Variants in PGM1 observed in about 807,000 individuals in gnomAD.
PGM1 encodes phosphoglucomutase 1.
Under a neutral mutation model 55.6 loss-of-function variants are expected in PGM1, and 52 were observed. That is an observed-to-expected ratio of 0.94 (90% confidence interval 0.75 to 1.18). PGM1 has a LOEUF of 1.18. Ranked by LOEUF, PGM1 falls within the 50% of genes most tolerant of loss-of-function variation. The pLI is 0.00. For missense variants in PGM1, 724 were observed against 729.3 expected, an observed-to-expected ratio of 0.99 and a Z score of 0.08; for synonymous variants, 287 against 271.7, an observed-to-expected ratio of 1.06 and a Z score of -0.55.
intron 1 of PGM1, among the ~76,000 whole-genome samples, chr1:63,595,682 C>G (rs929803126): frequency 6.6e-6 from 1 of 152,066 alleles, no homozygotes; most frequent in Non-Finnish European, 1.5e-5. Context: ...TTCAACAGAT[C>G]CTGTTGAATA....
intron 8 of PGM1, 29 bp from the exon 9 acceptor site, chr1:63,651,640 G>T (rs372791463): frequency 1.9e-6 from 3 of 1,608,912 alleles, no homozygotes; most frequent in Non-Finnish European, 1.7e-6. Context: ...CAGTCAGCCC[G>T]TGGGCCTCAA....
rs587777404 is a variant in PGM1 at position 63,634,933 on chromosome 1, G to T, written c.787G>T (p.Asp263Tyr). The change falls in exon 5 of 11, where the codon GAC becomes TAC. Residue 263 changes from aspartate (D) to tyrosine (Y), a missense_variant. Physicochemically the swap from Asp to Tyr is radical, Grantham distance 160. Transcript: ENST00000371084. ...PLEDFGGHHPDPNLTYAADLV... is the reference protein window; with the variant it reads ...PLEDFGGHHPYPNLTYAADLV... The stretch of plus-strand genomic sequence containing the variant: ...GGAGGACTTTGGAGGCCACCACCCT[G>T]ACCCCAACCTCACCTATGCAGCTGA... 99 of 1,613,924 alleles carry T rather than the reference G, an allele frequency of 6.1e-5. No homozygotes were observed. Among genetic ancestry groups the T allele is most frequent in the Non-Finnish European group, 8.1e-5 (96 of 1,180,004 alleles).
At position 63,620,973 on chromosome 1, in the gene PGM1, A is replaced by G. The variant is rs577562295; in HGVS notation, c.247-8452A>G. The stretch of plus-strand genomic sequence containing the variant: ...AAATGAGTTTCTTAATAGCTGCCCC[A>G]CTTAGTCTGAGTGTCTTAGGAAGCT... On this transcript the variant is annotated intron_variant, in intron 1 of 10. Transcript: ENST00000371084. Among the ~76,000 whole-genome samples, 7 of 152,250 alleles carry G rather than the reference A, an allele frequency of 4.6e-5. No homozygotes were observed. In the South Asian group the frequency reaches 1.5e-3, roughly 32 times the overall value.
intron 1 of PGM1, among the ~76,000 whole-genome samples, chr1:63,620,708 G>C (rs1648858514): frequency 6.6e-6 from 1 of 152,230 alleles, no homozygotes; most frequent in African/African-American, 2.4e-5. Flanking sequence ...TCTTTGCAAG[G>C]CTGGGAGCGA....
rs2100998429 is a variant in PGM1 at position 63,648,578 on chromosome 1, A to C, written c.1206A>C (p.Leu402=). The C allele has an allele frequency of 6.2e-7, 1 of 1,614,060 alleles. No homozygotes were observed. The highest frequency in any genetic ancestry group is 8.5e-7 in the Non-Finnish European group (1 of 1,179,942). ...LWAVLAWLSI[L]ATRKQSVEDI... ...CTGTCCTTGCCTGGCTCTCCATCCT[A>C]GCCACCCGCAAGCAGAGTGTGGAGG... is the stretch of plus-strand genomic sequence containing the variant. The change falls in exon 8 of 11, where the codon CTA becomes CTC. Residue 402 remains leucine, a synonymous_variant. Transcript: ENST00000371084.
At chr1:63,659,318 C>T (rs1279358205) in intron 10 of PGM1, among the ~76,000 whole-genome samples, 1 of 152,188 alleles carries the variant, frequency 6.6e-6, no homozygotes, top group African/African-American at 2.4e-5. Context: ...GAGGCCTGCT[C>T]ATGGACTGGG....
At chr1:63,606,104 C>T (rs1385904555) in intron 1 of PGM1, among the ~76,000 whole-genome samples, 2 of 152,182 alleles carry the variant, frequency 1.3e-5, no homozygotes, top group South Asian at 2.1e-4. Context: ...CCTGAGCTCC[C>T]GTCTTTATTG....
At chr1:63,600,205 A>G (rs962805743) in intron 1 of PGM1, 1 of 152,252 alleles carries the variant, frequency 6.6e-6, no homozygotes, top group Non-Finnish European at 1.5e-5. Flanking sequence ...TCTTTGTTAC[A>G]TAAAATACTT....
chr1:63,631,833 C>T, intron 4 of PGM1, 51 bp downstream of exon 4: 1 of 1,575,274 alleles, frequency 6.3e-7, no homozygotes, highest in Non-Finnish European at 8.7e-7. Context: ...AGGAAGTTGC[C>T]CTCTTCTGTG....
intron 1 of PGM1, among the ~76,000 whole-genome samples, chr1:63,603,785 C>T (rs552504274): frequency 6.6e-6 from 1 of 152,262 alleles, no homozygotes; most frequent in South Asian, 2.1e-4. Flanking sequence ...ACTCAAGATA[C>T]CCATACTTTG....
At chr1:63,659,050 A>G (rs557212522) in intron 10 of PGM1, among the ~76,000 whole-genome samples, 33 of 152,250 alleles carry the variant, frequency 2.2e-4, no homozygotes, top group Middle Eastern at 3.4e-3. Flanking sequence ...CCATGATTCA[A>G]TCATCTCCCA....
At chr1:63,629,771 T>A (rs1649143564) in intron 2 of PGM1, among the ~76,000 whole-genome samples, 171 bp from the exon 3 acceptor site, 1 of 152,294 alleles carries the variant, frequency 6.6e-6, no homozygotes, top group Non-Finnish European at 1.5e-5. Context: ...TGAAGAGCCA[T>A]GCGCAAATCT....
At chr1:63,623,685 G>T in intron 1 of PGM1, 3 of 1,612,570 alleles carry the variant, frequency 1.9e-6, no homozygotes, top group African/African-American at 1.3e-5. Flanking sequence ...GATCATCACT[G>T]GTGGTTGGTG....
chr1:63,654,231 C>T, intron 9 of PGM1, 101 bp from the exon 10 acceptor site: 1 of 1,189,918 alleles, frequency 8.4e-7, no homozygotes, highest in Non-Finnish European at 1.3e-6. Context: ...CTCCAATGAA[C>T]AAGTATGGAT....
At chr1:63,599,760 C>G (rs941914303) in intron 1 of PGM1, among the ~76,000 whole-genome samples, 1 of 152,154 alleles carries the variant, frequency 6.6e-6, no homozygotes, top group African/African-American at 2.4e-5. Flanking sequence ...CACTGCACTC[C>G]AGCCTTGGCG....
intron 1 of PGM1, among the ~76,000 whole-genome samples, chr1:63,596,950 A>G (rs1005190895): frequency 1.3e-5 from 2 of 152,232 alleles, no homozygotes; most frequent in African/African-American, 4.8e-5. Context: ...TAAAGCCAGC[A>G]TGTAGCTGGT....
intron 1 of PGM1, among the ~76,000 whole-genome samples, chr1:63,627,963 G>A (rs551858888): frequency 1.1e-4 from 16 of 152,258 alleles, no homozygotes; most frequent in Admixed American, 2.0e-4. Context: ...TGGCCTTGTC[G>A]TGTCATCTAC....
chr1:63,630,165 G>C lies in PGM1; in HGVS notation c.556+77G>C, dbSNP rs76415925. The C allele has an allele frequency of 0.016, 21,788 of 1,377,132 alleles. 759 individuals carry two copies. The highest frequency in any genetic ancestry group is 0.11 in the African/African-American group (7,997 of 70,238). The allele number at this position is 1,377,132 out of a possible 1,614,324, so 85.3% of individuals were successfully genotyped here. A position where few individuals can be genotyped will look rare whatever the true frequency, so the allele number is the denominator to read the frequency against. On this transcript the variant is annotated intron_variant, in intron 3 of 10. Coordinates refer to ENST00000371084, the MANE Select transcript of PGM1 (RefSeq NM_002633.3). The stretch of plus-strand genomic sequence containing the variant: ...ATTTTCCTTTCAACGTTTTAGTAGA[G>C]GGTCTTCAGCTTTGGAAAGATTTCC...
intron 1 of PGM1, chr1:63,594,011 G>T: frequency 8.8e-7 from 1 of 1,139,062 alleles, no homozygotes; most frequent in South Asian, 3.7e-5. Flanking sequence ...GGTCACGCCC[G>T]ACTCTCCGTC....
Sources: allele counts gnomAD v4.1 joint callset (sites outside exome capture counted in the v4.1 genomes callset), GRCh38; gene constraint gnomAD v4.1.1; transcripts MANE v1.5; gene names NCBI Gene and HGNC (gene_info 2026-07-23, HGNC 2026-07-21).